The following STK32B variants were observed in gnomAD, a reference collection of about 807,000 sequenced individuals.
STK32B encodes serine/threonine-protein kinase 32B.
Under a neutral mutation model 52.6 loss-of-function variants are expected in STK32B, and 43 were observed. That is an observed-to-expected ratio of 0.82 (90% confidence interval 0.64 to 1.05). The LOEUF is 1.05. Ranked by LOEUF, STK32B falls within the 50% of genes least tolerant of loss-of-function variation. The probability of loss-of-function intolerance (pLI) is 0.00; values close to 1 mark genes in which losing one functional copy is unlikely to be tolerated. For missense variants in STK32B, 621 were observed against 534.6 expected, an observed-to-expected ratio of 1.16 and a Z score of -1.59; for synonymous variants, 238 against 204.3, an observed-to-expected ratio of 1.17 and a Z score of -1.41.
chr4:5,411,952 A>T (rs745919637), intron 5 of STK32B, among the ~76,000 whole-genome samples: 3 of 152,200 alleles, frequency 2.0e-5, no homozygotes, highest in Non-Finnish European at 2.9e-5. Flanking sequence ...ACTAGAGTAG[A>T]AAAAGCTAGT....
At chr4:5,434,534 G>A (rs1429652029) in intron 6 of STK32B, among the ~76,000 whole-genome samples, 4 of 151,692 alleles carry the variant, frequency 2.6e-5, no homozygotes, top group Non-Finnish European at 5.9e-5. Flanking sequence ...TATGGCCTTT[G>A]AAGGAGACAG....
chr4:5,253,482 C>T (rs1726081004), intron 3 of STK32B, among the ~76,000 whole-genome samples: 1 of 152,138 alleles, frequency 6.6e-6, no homozygotes, highest in African/African-American at 2.4e-5. Context: ...TCAAGCGATT[C>T]TCCTGCCTCA....
At chr4:5,059,624 TAAG>T (rs1051813015) in intron 1 of STK32B, among the ~76,000 whole-genome samples, 5 of 152,324 alleles carry the variant, frequency 3.3e-5, no homozygotes, top group South Asian at 2.1e-4. Flanking sequence ...AACTTTTTAA[TAAG>T]AAGATGTTAT....
At chr4:5,146,449 T>A (rs2108840212) in intron 2 of STK32B, among the ~76,000 whole-genome samples, 1 of 152,332 alleles carries the variant, frequency 6.6e-6, no homozygotes, top group South Asian at 2.1e-4. Flanking sequence ...AGATGAAGGC[T>A]GGAAGAATCA....
At chr4:5,439,541 C>T (rs1313729035) in intron 6 of STK32B, among the ~76,000 whole-genome samples, 4 of 151,294 alleles carry the variant, frequency 2.6e-5, no homozygotes, top group African/African-American at 9.8e-5. Flanking sequence ...ATTTTTCTCC[C>T]ATTTTGTAGG....
rs147058808 is a variant in STK32B, at chr4:5,498,987, C to A, written c.1149C>A (p.Thr383=). The A allele has an allele frequency of 1.2e-6, 2 of 1,613,646 alleles. No individual in the cohort carries two copies. The highest frequency in any genetic ancestry group is 1.3e-5 in the African/African-American group (1 of 74,888). The change falls in exon 12 of 12, where the codon ACC becomes ACA. Residue 383 remains threonine (T), a synonymous_variant. Transcript: ENST00000282908. ...QQGQGSQLLD[T]DSRGGGQAQS... is the part of the protein sequence containing the mutation. ...GACAGGGCAGCCAGCTCTTGGACAC[C>A]GACAGCCGAGGGGGAGGCCAGGCCC...
chr4:5,032,207 C>G, the STK32B span, among the ~76,000 whole-genome samples: 1 of 149,936 alleles, frequency 6.7e-6, no homozygotes, highest in South Asian at 2.1e-4. Context: ...GGCACAGTGG[C>G]TCACACCTGT....
At chr4:5,316,612 TTATATATTATATATATAATATATAA>T (rs1730811776) in intron 3 of STK32B, among the ~76,000 whole-genome samples, 1 of 8,302 alleles carries the variant, frequency 1.2e-4, no homozygotes, top group Non-Finnish European at 1.6e-4. Flanking sequence ...ATAATATATA[TTATATATTATATATATAATATATAA>T]TATATTATAT....
intron 9 of STK32B, among the ~76,000 whole-genome samples, chr4:5,465,777 G>A (rs1009650019): frequency 9.2e-5 from 14 of 152,198 alleles, no homozygotes; most frequent in Admixed American, 8.5e-4. Context: ...CCTCAAGGCT[G>A]TGCCTCGCCT....
chr4:5,325,635 G>A (rs1044768643), intron 3 of STK32B, among the ~76,000 whole-genome samples: 6 of 152,018 alleles, frequency 3.9e-5, no homozygotes, highest in Non-Finnish European at 7.4e-5. Context: ...ATGGAAAATC[G>A]CATTCTTTAT....
intron 3 of STK32B, among the ~76,000 whole-genome samples, chr4:5,180,370 C>T (rs1268873926): frequency 6.6e-6 from 1 of 152,224 alleles, no homozygotes; most frequent in Non-Finnish European, 1.5e-5. Flanking sequence ...ATTTTCATTT[C>T]CTACCCTTAT....
rs1358640678 is a variant in STK32B, at chr4:5,380,539, T to C, written c.435-17668T>C. The stretch of plus-strand genomic sequence containing the variant: ...AGCCAGCAACTTCTTGCTAAGCCCC[T>C]GATGGTGTGCAAAGCAGGAAGTGCA... On this transcript the variant is annotated intron_variant, in intron 4 of 11. Coordinates refer to ENST00000282908, the MANE Select transcript of STK32B (RefSeq NM_018401.3). The surrounding 1 kb of genome is among the most constrained non-coding windows in gnomAD (Gnocchi z 4.3). Among the ~76,000 whole-genome samples, 1 of 152,136 alleles carries C rather than the reference T, an allele frequency of 6.6e-6. No individual in the cohort carries two copies. The highest frequency in any genetic ancestry group is 1.5e-5 in the Non-Finnish European group (1 of 68,026).
At chr4:5,063,054 C>G (rs545401369) in intron 1 of STK32B, among the ~76,000 whole-genome samples, 1 of 152,216 alleles carries the variant, frequency 6.6e-6, no homozygotes, top group East Asian at 1.9e-4. Context: ...CGGCTGTGAA[C>G]AATTTTGTGT....
rs111231288 is a variant in STK32B, at chr4:5,413,355, T to A, written c.473-3490T>A. Among the ~76,000 whole-genome samples, 1,036 of 152,290 alleles carry A rather than the reference T, an allele frequency of 6.8e-3. 14 individuals are homozygous for A. Among genetic ancestry groups the A allele is most frequent in the African/African-American group, 0.022 (934 of 41,562 alleles). On this transcript the variant is annotated intron_variant, in intron 5 of 11. Coordinates refer to ENST00000282908, the MANE Select transcript of STK32B (RefSeq NM_018401.3). ...ATTTTTTAGCTGAAGTTCAGTGGAATCAGGCTTCAGGCAGGCTTTGATCAG... is the reference window on the plus strand; with the variant it reads ...ATTTTTTAGCTGAAGTTCAGTGGAAACAGGCTTCAGGCAGGCTTTGATCAG...
At position 5,466,694 on chromosome 4, in the gene STK32B, C is replaced by T. The variant is rs374744180; in HGVS notation, c.910-9C>T. On this transcript the variant is annotated splice_polypyrimidine_tract_variant and intron_variant, in intron 9 of 11. Transcript: ENST00000282908. The stretch of plus-strand genomic sequence containing the variant: ...GACAGACCATGTTTTCTTTTCTACT[C>T]CCCTTTAGAAAGGGAGGTTGAACTG... 6.2e-6 allele frequency: 10 copies of T among 1,608,502 alleles called. No individual in the cohort carries two copies. The African/African-American group carries it at 1.3e-4, about 22-fold the overall frequency.
chr4:5,432,078 C>T (rs1000558419), intron 6 of STK32B, among the ~76,000 whole-genome samples: 1 of 152,184 alleles, frequency 6.6e-6, no homozygotes, highest in Non-Finnish European at 1.5e-5. Context: ...TGAGAACTTA[C>T]TTTGTGTCAA....
At chr4:5,432,210 C>A (rs145935723) in intron 6 of STK32B, 1 of 152,096 alleles carries the variant, frequency 6.6e-6, no homozygotes, top group Admixed American at 6.5e-5. Flanking sequence ...CAAAGGTAGC[C>A]GTTGAGATTC....
intron 1 of STK32B, among the ~76,000 whole-genome samples, chr4:5,052,645 A>G (rs1036106978): frequency 1.3e-5 from 2 of 152,146 alleles, no homozygotes; most frequent in Non-Finnish European, 2.9e-5. Context: ...CCCTTCATCA[A>G]TGAAATGTGA....
intron 6 of STK32B, among the ~76,000 whole-genome samples, chr4:5,435,395 C>T (rs1169081617): frequency 6.6e-6 from 1 of 152,156 alleles, no homozygotes; most frequent in Non-Finnish European, 1.5e-5. Context: ...TTATCACACA[C>T]GTGCCCCAGG....
Sources: gnomAD v4.1 joint callset for allele counts (sites outside exome capture counted in the v4.1 genomes callset) on GRCh38, gnomAD v4.1.1 for gene constraint, Gnocchi (gnomAD v3.1) non-coding constraint, MANE v1.5 for transcripts, NCBI Gene and HGNC (gene_info 2026-07-23, HGNC 2026-07-21) for gene names.